Variants in RARB observed in about 807,000 individuals in gnomAD.
The protein encoded by RARB is HBV-activated protein.
Under a neutral mutation model 51.9 loss-of-function variants are expected in RARB, and 17 were observed. The ratio of observed to expected loss-of-function variants is 0.33; its 90% CI spans 0.22 to 0.49. The LOEUF is 0.49. Ranked by LOEUF, RARB falls within the 20% of genes least tolerant of loss-of-function variation. The probability of loss-of-function intolerance (pLI) is 0.99; values close to 1 mark genes in which losing one functional copy is unlikely to be tolerated. For synonymous variants in RARB, 215 were observed against 195.4 expected, an observed-to-expected ratio of 1.10 and a Z score of -0.84; for missense variants, 369 against 550.8, an observed-to-expected ratio of 0.67 and a Z score of 3.30.
In RARB at chr3:24,888,448, G is replaced by C. The variant is rs532480954; in HGVS notation, c.-380+29696G>C. The stretch of plus-strand genomic sequence containing the variant: ...TTTTTTATTATACTTTAAGTTCTAG[G>C]GTACATGTGCACAACTGATGAGTTA... On this transcript the variant is annotated intron_variant, in intron 2 of 11. Transcript: ENST00000383772. 3.8e-3 allele frequency among the ~76,000 whole-genome samples: 570 copies of C among 151,158 alleles called. 2 individuals are homozygous for C. Among genetic ancestry groups the C allele is most frequent in the Non-Finnish European group, 6.2e-3 (423 of 67,768 alleles).
chr3:25,273,194 A>C lies in RARB; in HGVS notation c.178+98619A>C, dbSNP rs371635646. On this transcript the variant is annotated intron_variant, in intron 5 of 11. Transcript: ENST00000383772. ...TTTAGCTGCTTCTATGTGGATCTACATGTCATATTAAGTGCAGAATCATTG... is the reference window on the plus strand; with the variant it reads ...TTTAGCTGCTTCTATGTGGATCTACCTGTCATATTAAGTGCAGAATCATTG... 7.2e-5 allele frequency among the ~76,000 whole-genome samples: 11 copies of C among 152,286 alleles called. 1 individual carries two copies. The highest frequency in any genetic ancestry group is 2.4e-4 in the African/African-American group (10 of 41,560).
intron 4 of RARB, among the ~76,000 whole-genome samples, chr3:25,140,887 G>T (rs540239504): frequency 7.6e-4 from 115 of 152,140 alleles, no homozygotes; most frequent in Non-Finnish European, 1.5e-3. Context: ...CTCACTGAAG[G>T]CTCAGGTGAT....
At chr3:25,593,442 C>T (rs1475017957) in intron 5 of RARB, 61 bp from the exon 6 acceptor site, 1 of 1,467,136 alleles carries the variant, frequency 6.8e-7, no homozygotes, top group Non-Finnish European at 9.5e-7. Flanking sequence ...CTGCTTACAT[C>T]TGATTGATGA....
At chr3:25,383,745 TG>T (rs200359551) in intron 5 of RARB, among the ~76,000 whole-genome samples, 3,059 of 152,226 alleles carry the variant, frequency 0.02, 59 homozygotes, top group African/African-American at 0.048. Flanking sequence ...CTGGCCAACA[TG>T]GTGAAACCCC....
intron 5 of RARB, among the ~76,000 whole-genome samples, chr3:25,359,636 A>C (rs1705865651): frequency 1.3e-5 from 2 of 152,168 alleles, no homozygotes; most frequent in African/African-American, 4.8e-5. Flanking sequence ...CCCTCTAAAC[A>C]CTACTTTAGC....
chr3:25,428,375 C>G lies in RARB; in HGVS notation c.-357C>G, dbSNP rs1328297524. ...TGTTTGAGGACTGGGATGCCGAGAACGCGAGCGATCCGAGCAGGGTTTGTC... is the reference window on the plus strand; with the variant it reads ...TGTTTGAGGACTGGGATGCCGAGAAGGCGAGCGATCCGAGCAGGGTTTGTC... On this transcript the variant is annotated 5_prime_UTR_variant, in exon 1 of 8. Transcript: ENST00000330688. 1.1e-5 allele frequency: 14 copies of G among 1,248,464 alleles called. No individual in the cohort carries two copies. The highest frequency in any genetic ancestry group is 1.3e-5 in the Non-Finnish European group (13 of 997,798). The allele number at this position is 1,248,464 out of a possible 1,614,324, so 77.3% of individuals were successfully genotyped here.
At chr3:24,839,048 A>C (rs1702382093) in intron 1 of RARB, among the ~76,000 whole-genome samples, 1 of 152,090 alleles carries the variant, frequency 6.6e-6, no homozygotes, top group Admixed American at 6.6e-5. Flanking sequence ...GGTTTTAGTC[A>C]TATGGACTAA....
At chr3:24,999,254 C>T (rs921899160) in intron 2 of RARB, among the ~76,000 whole-genome samples, 6 of 152,126 alleles carry the variant, frequency 3.9e-5, no homozygotes, top group African/African-American at 1.4e-4. Context: ...ACGTAGTACA[C>T]AGCTAGCCAT....
intron 1 of RARB, among the ~76,000 whole-genome samples, chr3:25,429,221 G>C (rs2125513645): frequency 6.6e-6 from 1 of 152,284 alleles, no homozygotes; most frequent in East Asian, 1.9e-4. Context: ...TTCAAGTAGG[G>C]CAATTTGACA....
chr3:24,833,585 T>C (rs926236003), intron 1 of RARB, among the ~76,000 whole-genome samples: 4 of 152,192 alleles, frequency 2.6e-5, no homozygotes, highest in Non-Finnish European at 5.9e-5. Flanking sequence ...ATATCTAACA[T>C]TTTACACACA....
intron 2 of RARB, among the ~76,000 whole-genome samples, chr3:25,487,204 G>A (rs1019987169): frequency 6.6e-5 from 10 of 152,144 alleles, no homozygotes; most frequent in South Asian, 2.1e-4. Flanking sequence ...CATTACAGAC[G>A]TAAATAGCAA....
intron 5 of RARB, among the ~76,000 whole-genome samples, chr3:25,419,455 C>T (rs1348524264): frequency 2.0e-5 from 3 of 152,108 alleles, no homozygotes; most frequent in African/African-American, 7.2e-5. Flanking sequence ...AAACTTGGGC[C>T]TCCTCAAGCA....
intron 3 of RARB, among the ~76,000 whole-genome samples, chr3:25,550,536 C>T (rs1363940399): frequency 6.6e-6 from 1 of 152,086 alleles, no homozygotes; most frequent in Non-Finnish European, 1.5e-5. Flanking sequence ...CATGAGGGCT[C>T]CACCCTCATG....
chr3:24,939,860 A>C (rs1695622729), intron 2 of RARB, among the ~76,000 whole-genome samples: 1 of 152,248 alleles, frequency 6.6e-6, no homozygotes, highest in Non-Finnish European at 1.5e-5. Context: ...TGGTATGACC[A>C]TGACTACTAA....
At chr3:25,503,175 G>T (rs75222858) in intron 3 of RARB, among the ~76,000 whole-genome samples, 2 of 152,162 alleles carry the variant, frequency 1.3e-5, no homozygotes, top group African/African-American at 4.8e-5. Flanking sequence ...TACATTTGAA[G>T]ATAGGAAGCT....
intron 5 of RARB, among the ~76,000 whole-genome samples, chr3:25,384,959 C>CTGGATGAG (rs1235667270): frequency 6.6e-6 from 1 of 152,188 alleles, no homozygotes; most frequent in African/African-American, 2.4e-5. Context: ...TTATTCCACT[C>CTGGATGAG]TGGATGGCAC....
chr3:25,176,362 C>T (rs201018911), intron 5 of RARB, among the ~76,000 whole-genome samples: 3,378 of 58,294 alleles, frequency 0.058, 22 homozygotes, highest in East Asian at 0.089. Flanking sequence ...TCCTTCCTTC[C>T]TTCCTTCCTT....
intron 5 of RARB, among the ~76,000 whole-genome samples, chr3:25,279,192 A>G (rs1703463167): frequency 6.6e-6 from 1 of 152,210 alleles, no homozygotes; most frequent in African/African-American, 2.4e-5. Flanking sequence ...TGTCTTGTCC[A>G]GGGACATATT....
chr3:25,103,006 C>G (rs534573477), intron 3 of RARB, among the ~76,000 whole-genome samples: 1 of 152,114 alleles, frequency 6.6e-6, no homozygotes, highest in Non-Finnish European at 1.5e-5. Context: ...GCCGAGAGTG[C>G]GCCACTGCAC....
Sources: allele counts gnomAD v4.1 joint callset (sites outside exome capture counted in the v4.1 genomes callset), GRCh38; gene constraint gnomAD v4.1.1; transcripts MANE v1.5; gene names NCBI Gene and HGNC (gene_info 2026-07-23, HGNC 2026-07-21).